ATRNL1: variants seen among roughly 807,000 people sequenced by gnomAD.
ATRNL1 encodes the protein attractin-like protein 1.
Under a neutral mutation model 182.7 loss-of-function variants are expected in ATRNL1, and 95 were observed. That is an observed-to-expected ratio of 0.52 (90% CI 0.44 to 0.62). The LOEUF is 0.62. Ranked by LOEUF, ATRNL1 falls within the 20% of genes least tolerant of loss-of-function variation. ATRNL1 has a pLI of 0.00. For missense variants in ATRNL1, 1,471 were observed against 1,679.5 expected, an observed-to-expected ratio of 0.88 and a Z score of 2.17; for synonymous variants, 576 against 568.3, an observed-to-expected ratio of 1.01 and a Z score of -0.19.
intron 19 of ATRNL1, among the ~76,000 whole-genome samples, chr10:115,375,171 A>T (rs1437986047): frequency 6.6e-6 from 1 of 151,690 alleles, no homozygotes; most frequent in African/African-American, 2.4e-5. Flanking sequence ...ATTTTGGTGC[A>T]TATATATTTA....
intron 25 of ATRNL1, among the ~76,000 whole-genome samples, chr10:115,519,884 A>G (rs7097962): frequency 0.028 from 4,264 of 152,276 alleles, 229 homozygotes; most frequent in African/African-American, 0.098. Context: ...AGTTTGTAGC[A>G]TTTCTCAAAA....
At chr10:115,362,402 G>C (rs1427258437) in intron 19 of ATRNL1, among the ~76,000 whole-genome samples, 1 of 151,726 alleles carries the variant, frequency 6.6e-6, no homozygotes, top group Admixed American at 6.6e-5. Context: ...TGGTTTATGA[G>C]GATATATTGT....
At chr10:115,257,300 G>A (rs2264062) in intron 10 of ATRNL1, among the ~76,000 whole-genome samples, 100,556 of 151,970 alleles carry the variant, frequency 0.66, 34,142 homozygotes, top group Non-Finnish European at 0.74. Flanking sequence ...TGCTTTATCA[G>A]TCTGGGTGCT....
At chr10:115,677,793 C>G (rs920890755) in intron 26 of ATRNL1, among the ~76,000 whole-genome samples, 8 of 151,998 alleles carry the variant, frequency 5.3e-5, no homozygotes, top group Non-Finnish European at 1.2e-4. Context: ...GGGGGCTTAC[C>G]TATCTAGGTG....
intron 20 of ATRNL1, among the ~76,000 whole-genome samples, chr10:115,398,584 A>G (rs1464914964): frequency 6.6e-6 from 1 of 152,046 alleles, no homozygotes; most frequent in African/African-American, 2.4e-5. Context: ...GAAGTTGTTT[A>G]TCAGCTGAAG....
intron 26 of ATRNL1, among the ~76,000 whole-genome samples, chr10:115,676,828 G>A (rs12245229): frequency 1.3e-5 from 2 of 152,026 alleles, no homozygotes; most frequent in African/African-American, 4.8e-5. Flanking sequence ...CTTACAGCAT[G>A]TGCTGAATGG....
At chr10:115,235,176 G>A (rs1326873382) in intron 9 of ATRNL1, among the ~76,000 whole-genome samples, 1 of 152,128 alleles carries the variant, frequency 6.6e-6, no homozygotes, top group Non-Finnish European at 1.5e-5. Context: ...ATACCAAAAT[G>A]TCATATTCTT....
At chr10:115,545,298 A>G (rs1345723009) in intron 25 of ATRNL1, among the ~76,000 whole-genome samples, 2 of 151,546 alleles carry the variant, frequency 1.3e-5, no homozygotes, top group Non-Finnish European at 2.9e-5. Context: ...GACACCTACT[A>G]TCTCCCAAGT....
At chr10:115,601,247 C>T (rs74158399) in intron 26 of ATRNL1, among the ~76,000 whole-genome samples, 3,023 of 152,118 alleles carry the variant, frequency 0.02, 96 homozygotes, top group African/African-American at 0.069. Flanking sequence ...AGACCACATA[C>T]GTAGACCATA....
Position 115,619,737 on chromosome 10 carries a change from T to G in ATRNL1, c.3795+70201T>G, listed in dbSNP as rs1473047441. ...GCCTAATTTAATATAACTTTAATAT[T>G]TTAAATTACATAAAAATTTCATTTA... is the stretch of plus-strand genomic sequence containing the variant. On this transcript the variant is annotated intron_variant, in intron 26 of 28. Coordinates refer to ENST00000355044, the MANE Select transcript of ATRNL1 (RefSeq NM_207303.4). Among the ~76,000 whole-genome samples the G allele has an allele frequency of 2.6e-5, 4 of 152,250 alleles. 1 individual carries two copies. Among genetic ancestry groups the G allele is most frequent in the Admixed American group, 2.0e-4 (3 of 15,286 alleles).
chr10:115,534,550 C>G (rs1349466626), intron 25 of ATRNL1, among the ~76,000 whole-genome samples: 1 of 152,272 alleles, frequency 6.6e-6, no homozygotes, highest in Non-Finnish European at 1.5e-5. Flanking sequence ...TGGGTCTTGA[C>G]TCTTTATCCA....
chr10:115,549,362 TTATA>T, intron 25 of ATRNL1, 92 bp from the exon 26 acceptor site: 4 of 673,108 alleles, frequency 5.9e-6, no homozygotes, highest in Non-Finnish European at 9.0e-6. Flanking sequence ...AAGTTATTAC[TTATA>T]TATATATGTA....
intron 27 of ATRNL1, among the ~76,000 whole-genome samples, chr10:115,843,397 AT>A (rs1195903513): frequency 1.3e-5 from 2 of 152,078 alleles, no homozygotes; most frequent in African/African-American, 4.8e-5. Context: ...AAAGTAGAAA[AT>A]AAAGAGGGTC....
chr10:115,103,525 A>G (rs937605236), intron 1 of ATRNL1, among the ~76,000 whole-genome samples: 1 of 152,134 alleles, frequency 6.6e-6, no homozygotes, highest in East Asian at 1.9e-4. Flanking sequence ...ATAGGTGTAT[A>G]TATTTATGGG....
chr10:115,115,722 C>A (rs187337652), intron 1 of ATRNL1, among the ~76,000 whole-genome samples: 1 of 152,188 alleles, frequency 6.6e-6, no homozygotes, highest in East Asian at 1.9e-4. Flanking sequence ...AACCTATATT[C>A]TGTGATAAAC....
At chr10:115,755,882 C>T (rs782189833) in intron 27 of ATRNL1, among the ~76,000 whole-genome samples, 4 of 151,950 alleles carry the variant, frequency 2.6e-5, no homozygotes, top group Non-Finnish European at 4.4e-5. Flanking sequence ...TCGACTTCTT[C>T]CTGGTTTTGT....
intron 24 of ATRNL1, among the ~76,000 whole-genome samples, chr10:115,494,555 G>A (rs781920084): frequency 2.6e-5 from 4 of 152,148 alleles, no homozygotes; most frequent in Non-Finnish European, 5.9e-5. Context: ...ATGAAGGAAT[G>A]TTTGGTTTAA....
intron 28 of ATRNL1, among the ~76,000 whole-genome samples, chr10:115,874,605 C>T (rs937436988): frequency 6.6e-6 from 1 of 152,144 alleles, no homozygotes; most frequent in Non-Finnish European, 1.5e-5. Flanking sequence ...ATATGGGTAT[C>T]TTCCATTTCT....
chr10:115,273,660 T>C (rs1214572062), intron 13 of ATRNL1, among the ~76,000 whole-genome samples: 3 of 152,232 alleles, frequency 2.0e-5, no homozygotes, highest in African/African-American at 4.8e-5. Flanking sequence ...TCAGCAGTCC[T>C]TTTTTGGGTG....
Sources: gnomAD v4.1 joint callset for allele counts (sites outside exome capture counted in the v4.1 genomes callset) on GRCh38, gnomAD v4.1.1 for gene constraint, MANE v1.5 for transcripts, NCBI Gene and HGNC (gene_info 2026-07-23, HGNC 2026-07-21) for gene names.